Variants in ORC5 observed in about 807,000 individuals in gnomAD.
ORC5 encodes origin recognition complex subunit 5, also known as protein phosphatase 1, regulatory subunit 117.
Under a neutral mutation model 58.8 loss-of-function variants are expected in ORC5, and 39 were observed. The observed-to-expected ratio is 0.66, with a 90% CI of 0.51 to 0.87. The LOEUF (loss-of-function observed/expected upper bound fraction) is 0.87, where lower values mean the gene tolerates loss of function less well. Ranked by LOEUF, ORC5 falls within the 40% of genes least tolerant of loss-of-function variation. The pLI, the probability that ORC5 is intolerant of heterozygous loss-of-function variation, is 0.00. For missense variants in ORC5, 493 were observed against 506.3 expected (o/e 0.97, Z 0.25); for synonymous variants, 218 against 177.6 (o/e 1.23, Z -1.81).
At chr7:104,175,096 T>C (rs553053033) in intron 8 of ORC5, among the ~76,000 whole-genome samples, 3 of 152,346 alleles carry the variant, frequency 2.0e-5, no homozygotes, top group Non-Finnish European at 4.4e-5. Context: ...TTTTCACTCC[T>C]GCTCTAAAAC....
intron 1 of ORC5, among the ~76,000 whole-genome samples, chr7:104,206,753 A>G (rs773849445): frequency 6.6e-4 from 100 of 152,300 alleles, no homozygotes; most frequent in Non-Finnish European, 1.1e-3. Context: ...CAGTGATCTC[A>G]TAAGATTATA....
intron 12 of ORC5, among the ~76,000 whole-genome samples, chr7:104,160,356 A>G (rs1251265285): frequency 6.6e-6 from 1 of 152,136 alleles, no homozygotes; most frequent in African/African-American, 2.4e-5. Flanking sequence ...GCATAGAGAA[A>G]ACAAAATGCT....
intron 13 of ORC5, among the ~76,000 whole-genome samples, chr7:104,127,246 G>A (rs1262810946): frequency 6.6e-6 from 1 of 152,184 alleles, no homozygotes; most frequent in Admixed American, 6.5e-5. Flanking sequence ...AGATTCAAAA[G>A]TATTTAAATC....
chr7:104,146,784 T>C (rs194866), intron 12 of ORC5, among the ~76,000 whole-genome samples: 54,646 of 151,892 alleles, frequency 0.36, 11,028 homozygotes, highest in East Asian at 0.56. Flanking sequence ...CAAATATATA[T>C]AGACATACAC....
intron 11 of ORC5, among the ~76,000 whole-genome samples, chr7:104,164,546 T>C (rs1000680616): frequency 1.3e-5 from 2 of 152,268 alleles, no homozygotes; most frequent in South Asian, 4.1e-4. Context: ...AAACTGCCTC[T>C]AAGAATAAGG....
chr7:104,148,458 T>C (rs753403170), intron 12 of ORC5, among the ~76,000 whole-genome samples: 79 of 152,064 alleles, frequency 5.2e-4, no homozygotes, highest in African/African-American at 9.9e-4. Context: ...GAGCAGGCAA[T>C]GCAAGTAAAA....
chr7:104,173,912 T>C (rs1484856491), intron 8 of ORC5, among the ~76,000 whole-genome samples: 1 of 146,794 alleles, frequency 6.8e-6, no homozygotes, highest in Admixed American at 6.9e-5. Flanking sequence ...TGGCGGGATC[T>C]CGGCTCACTG....
chr7:104,166,743 T>C (rs754839262), intron 10 of ORC5, 29 bp downstream of exon 10: 2 of 1,193,028 alleles, frequency 1.7e-6, no homozygotes, highest in Admixed American at 4.0e-5. Context: ...TCTTAAAAAA[T>C]AAAGTGAAAA....
intron 12 of ORC5, among the ~76,000 whole-genome samples, chr7:104,150,818 C>T (rs1184027288): frequency 1.3e-5 from 2 of 151,896 alleles, no homozygotes; most frequent in East Asian, 3.9e-4. Flanking sequence ...TGCCCTCAAA[C>T]ATCAGGGTAG....
intron 5 of ORC5, among the ~76,000 whole-genome samples, chr7:104,192,296 C>T (rs1391579248): frequency 1.3e-5 from 2 of 152,128 alleles, no homozygotes; most frequent in Non-Finnish European, 2.9e-5. Context: ...TAGGGTAAAA[C>T]CCTAGCCATG....
At chr7:104,170,332 G>A (rs992451827) in intron 8 of ORC5, among the ~76,000 whole-genome samples, 1 of 152,116 alleles carries the variant, frequency 6.6e-6, no homozygotes, top group South Asian at 2.1e-4. Context: ...ACATTCTTAT[G>A]GGGTAAAAGG....
intron 12 of ORC5, among the ~76,000 whole-genome samples, chr7:104,144,001 C>A (rs1798715164): frequency 6.6e-6 from 1 of 152,050 alleles, no homozygotes; most frequent in South Asian, 2.1e-4. Context: ...TGCCTGTAAT[C>A]CCAGCTACTT....
At chr7:104,172,982 TAAA>T (rs57266058) in intron 8 of ORC5, among the ~76,000 whole-genome samples, 9 of 142,894 alleles carry the variant, frequency 6.3e-5, no homozygotes, top group African/African-American at 1.0e-4. Context: ...CTTTCCAGGT[TAAA>T]AAAAAAAAAA....
At chr7:104,197,652 C>A in intron 4 of ORC5, 73 bp downstream of exon 4, 1 of 961,562 alleles carries the variant, frequency 1.0e-6, no homozygotes, top group Non-Finnish European at 1.6e-6. Flanking sequence ...TATCAAATAG[C>A]AAAATGAAAA....
Position 104,195,186 on chromosome 7 carries a change from T to C in ORC5, c.510A>G (p.Gly170=). 2.5e-6 allele frequency: 4 copies of C among 1,578,122 alleles called. No homozygotes were observed. Among genetic ancestry groups the C allele is most frequent in the Non-Finnish European group, 3.4e-6 (4 of 1,167,058 alleles). ...AATATAAGACAAACGGCTCAAAGCA[T>C]CCAGTATTTGGACGAAACTTTTCCC... is the stretch of plus-strand genomic sequence containing the variant. ...IVWEKFRPNT[G]CFEPFVLYFP... Residue 170 remains glycine, a synonymous_variant, in exon 5 of 14, where the codon GGA becomes GGG. Coordinates refer to ENST00000297431, the MANE Select transcript of ORC5 (RefSeq NM_002553.4).
rs541140654 is a variant in ORC5, at chr7:104,188,437, C to A, written c.554-56G>T. 6.7e-6 allele frequency: 9 copies of A among 1,348,064 alleles called. No homozygotes were observed. The Admixed American group carries it at 8.6e-5, about 13-fold the overall frequency. 83.5% of individuals were successfully genotyped at this position (1,348,064 alleles called of 1,614,324 possible). ...GATTAACATAGTACACTAATCATATCTTCAAGCATTTTATAACAAAGGTAT... is the reference window on the plus strand; with the variant it reads ...GATTAACATAGTACACTAATCATATATTCAAGCATTTTATAACAAAGGTAT... On this transcript the variant is annotated intron_variant, in intron 5 of 13. Transcript: ENST00000297431.
At chr7:104,160,062 GCTAA>G (rs539420177) in intron 12 of ORC5, among the ~76,000 whole-genome samples, 133 of 152,134 alleles carry the variant, frequency 8.7e-4, no homozygotes, top group African/African-American at 3.1e-3. Flanking sequence ...TACCTATATA[GCTAA>G]CTATTTATGT....
At chr7:104,175,789 G>A (rs1799310256) in intron 8 of ORC5, among the ~76,000 whole-genome samples, 1 of 152,054 alleles carries the variant, frequency 6.6e-6, no homozygotes, top group Admixed American at 6.6e-5. Context: ...CTGCTAAAAC[G>A]CTTCCTCATC....
At chr7:104,139,258 A>C (rs1002869652) in intron 12 of ORC5, among the ~76,000 whole-genome samples, 1 of 152,372 alleles carries the variant, frequency 6.6e-6, no homozygotes, top group East Asian at 1.9e-4. Context: ...CACTAACAGC[A>C]GTAGTAATTT....
Sources: allele counts gnomAD v4.1 joint callset (sites outside exome capture counted in the v4.1 genomes callset), GRCh38; gene constraint gnomAD v4.1.1; transcripts MANE v1.5; gene names NCBI Gene and HGNC (gene_info 2026-07-23, HGNC 2026-07-21).